Variants in CATSPERB observed in about 807,000 individuals in gnomAD.
The protein encoded by CATSPERB is cation channel sperm-associated auxiliary subunit beta.
Under a neutral mutation model 128.3 loss-of-function variants are expected in CATSPERB, and 93 were observed. That is an observed-to-expected ratio of 0.72 (90% confidence interval 0.61 to 0.86). The LOEUF (loss-of-function observed/expected upper bound fraction) is 0.86. CATSPERB is among the 40% of genes least tolerant of loss of function. The pLI is 0.00. For synonymous variants in CATSPERB, 381 were observed against 448.8 expected, an observed-to-expected ratio of 0.85 and a Z score of 1.91; for missense variants, 1,153 against 1,329.5, an observed-to-expected ratio of 0.87 and a Z score of 2.06.
chr14:91,725,131 C>A lies in CATSPERB; in HGVS notation c.117G>T (p.Gly39=). 1 of 1,578,188 alleles carries A rather than the reference C, an allele frequency of 6.3e-7. No individual in the cohort carries two copies. The highest frequency in any genetic ancestry group is 8.6e-7 in the Non-Finnish European group (1 of 1,164,064). The change falls in exon 3 of 27, where the codon GGG becomes GGT. Residue 39 remains glycine, a synonymous_variant. Transcript: ENST00000256343. ...TGATTATTTCATTCTCTTGAGGGAACCCTTTGTTAGAACATGCAAAGCGTT... is the reference window on the plus strand; with the variant it reads ...TGATTATTTCATTCTCTTGAGGGAAACCTTTGTTAGAACATGCAAAGCGTT... The part of the protein sequence containing the change: ...TEKRFACSNK[G]FPQENEIIKL...
intron 17 of CATSPERB, among the ~76,000 whole-genome samples, chr14:91,628,263 C>T (rs934483979): frequency 6.6e-6 from 1 of 152,150 alleles, no homozygotes; most frequent in Admixed American, 6.6e-5. Flanking sequence ...CACACCACTG[C>T]ATGGTTCTGG....
At chr14:91,714,188 C>T (rs544130121) in intron 5 of CATSPERB, among the ~76,000 whole-genome samples, 54 of 150,968 alleles carry the variant, frequency 3.6e-4, no homozygotes, top group Non-Finnish European at 6.0e-4. Flanking sequence ...AATGTTTTTT[C>T]CCTAAAACTG....
intron 11 of CATSPERB, among the ~76,000 whole-genome samples, chr14:91,675,946 G>A (rs1159357066): frequency 1.3e-5 from 2 of 152,128 alleles, no homozygotes; most frequent in Non-Finnish European, 2.9e-5. Flanking sequence ...GGTTTTCAAT[G>A]TTATTTGTCG....
chr14:91,728,707 C>T (rs1386064379), intron 2 of CATSPERB, among the ~76,000 whole-genome samples: 3 of 152,114 alleles, frequency 2.0e-5, no homozygotes, highest in Non-Finnish European at 4.4e-5. Context: ...GAAAGATGTG[C>T]CAGAGAAGTT....
intron 10 of CATSPERB, among the ~76,000 whole-genome samples, chr14:91,691,001 A>C (rs1436679932): frequency 6.6e-6 from 1 of 152,236 alleles, no homozygotes; most frequent in African/African-American, 2.4e-5. Flanking sequence ...TGACTTTTTA[A>C]CATATAAGGG....
chr14:91,684,062 G>A, intron 10 of CATSPERB, 119 bp from the exon 11 acceptor site: 2 of 597,952 alleles, frequency 3.3e-6, no homozygotes, highest in Non-Finnish European at 5.7e-6. Flanking sequence ...GAGGCAAAGA[G>A]ACAAAAATTG....
rs764641397 is a variant in CATSPERB, at chr14:91,580,892, C to T, written c.3348G>A (p.Glu1116=). The T allele has an allele frequency of 3.1e-6, 5 of 1,613,044 alleles. No homozygotes were observed. The highest frequency in any genetic ancestry group is 1.7e-4 in the Middle Eastern group (1 of 6,044). The part of the protein sequence containing the change: ...SELIHRSKSE[E] ...AGAAATTATGATCACCATGTGTTCA[C>T]TCTTCAGACTTTGATCTATGAATCA... Residue 1116 remains glutamate, a synonymous_variant, in exon 27 of 27, where the codon GAG becomes GAA. Transcript: ENST00000256343.
At chr14:91,621,129 A>C (rs1049162471) in intron 19 of CATSPERB, among the ~76,000 whole-genome samples, 2 of 152,116 alleles carry the variant, frequency 1.3e-5, no homozygotes, top group African/African-American at 2.4e-5. Flanking sequence ...TGGCTGAGCG[A>C]GGTGGCTCAC....
intron 6 of CATSPERB, among the ~76,000 whole-genome samples, chr14:91,705,378 GAC>G (rs1206007698): frequency 2.0e-5 from 3 of 152,232 alleles, no homozygotes; most frequent in Admixed American, 6.5e-5. Context: ...GGTGAACAGG[GAC>G]AGTTATCATT....
intron 20 of CATSPERB, 61 bp downstream of exon 20, chr14:91,617,534 AAT>A: frequency 4.0e-6 from 5 of 1,247,294 alleles, no homozygotes; most frequent in Non-Finnish European, 5.5e-6. Context: ...AAATATTAAT[AAT>A]AGTTGTTTCA....
chr14:91,704,660 T>G lies in CATSPERB; in HGVS notation c.508A>C (p.Ser170Arg). The change falls in exon 7 of 27, where the codon AGT becomes CGT. Residue 170 changes from serine (S) to arginine (R), a missense_variant. By Grantham distance (110) the Ser-to-Arg change is moderately radical. Coordinates refer to ENST00000256343, the MANE Select transcript of CATSPERB (RefSeq NM_024764.4). ...QWTPGDVIPE[S>R]EISKLYPHVV... ...TGTGGATATAATTTACTGATTTCAC[T>G]TTCTGGAATCACATCCCCAGGAGTC... 3 of 1,613,860 alleles carry G rather than the reference T, an allele frequency of 1.9e-6. No individual in the cohort carries two copies. Among genetic ancestry groups the G allele is most frequent in the Non-Finnish European group, 1.7e-6 (2 of 1,179,846 alleles).
chr14:91,723,994 A>G (rs757299260), intron 3 of CATSPERB, among the ~76,000 whole-genome samples: 25 of 152,234 alleles, frequency 1.6e-4, no homozygotes, highest in Non-Finnish European at 3.1e-4. Context: ...GGAAGGCAGT[A>G]CAATTTTTCA....
intron 19 of CATSPERB, among the ~76,000 whole-genome samples, chr14:91,620,104 T>A (rs1396926655): frequency 6.6e-6 from 1 of 151,916 alleles, no homozygotes; most frequent in East Asian, 1.9e-4. Context: ...GAATTCTGCA[T>A]GTGAATGCAG....
intron 4 of CATSPERB, among the ~76,000 whole-genome samples, chr14:91,720,654 C>T (rs113681360): frequency 6.6e-6 from 1 of 152,082 alleles, no homozygotes; most frequent in African/African-American, 2.4e-5. Context: ...AATGGCAATA[C>T]TACCCAAATG....
chr14:91,597,829 A>G (rs745746563), intron 22 of CATSPERB, among the ~76,000 whole-genome samples: 14 of 152,216 alleles, frequency 9.2e-5, no homozygotes, highest in Non-Finnish European at 1.9e-4. Context: ...TTTTAGACCC[A>G]GGAGTTAAAG....
intron 20 of CATSPERB, among the ~76,000 whole-genome samples, chr14:91,611,330 C>T (rs1418503489): frequency 6.6e-6 from 1 of 152,204 alleles, no homozygotes; most frequent in African/African-American, 2.4e-5. Context: ...TGAGGACTGG[C>T]TGGGCACGGT....
In CATSPERB at chr14:91,723,082, T is replaced by G. The variant is rs1350231297; in HGVS notation, c.276A>C (p.Thr92=). 5.9e-6 allele frequency: 9 copies of G among 1,532,914 alleles called. No individual in the cohort carries two copies. The highest frequency in any genetic ancestry group is 7.9e-6 in the Non-Finnish European group (9 of 1,140,258). 95.0% of individuals were successfully genotyped at this position (1,532,914 alleles called of 1,614,324 possible). A position where few individuals can be genotyped will look rare whatever the true frequency, so the allele number is the denominator to read the frequency against. Residue 92 remains threonine, a synonymous_variant, in exon 4 of 27, where the codon ACA becomes ACC. Transcript: ENST00000256343. ...AATTAAAGTGGAAGATGCCATTATA[T>G]GTACTATTCATGATTCCCAAGCTGG... ...LAPSLGIMNS[T]YNGIFHFNLT... is the part of the protein sequence containing the mutation.
intron 26 of CATSPERB, among the ~76,000 whole-genome samples, chr14:91,585,144 G>A (rs1161661031): frequency 1.3e-5 from 2 of 152,028 alleles, no homozygotes; most frequent in African/African-American, 4.8e-5. Flanking sequence ...GGCCTCCAGA[G>A]TAGCTGGAAC....
chr14:91,601,531 A>G (rs1893607268), intron 22 of CATSPERB, among the ~76,000 whole-genome samples: 1 of 152,168 alleles, frequency 6.6e-6, no homozygotes. Context: ...ATTGTTTACG[A>G]GTGGAGAAAC....
Sources: allele counts gnomAD v4.1 joint callset (sites outside exome capture counted in the v4.1 genomes callset), GRCh38; gene constraint gnomAD v4.1.1; transcripts MANE v1.5; gene names NCBI Gene and HGNC (gene_info 2026-07-23, HGNC 2026-07-21).